Variants in UBN2 observed in about 807,000 individuals in gnomAD.
The protein encoded by UBN2 is ubinuclein 2.
In UBN2, 35 loss-of-function variants were observed where a neutral mutation model predicts 120.2. That is an observed-to-expected ratio of 0.29 (90% CI 0.22 to 0.39). UBN2 has a LOEUF of 0.39. Among genes scored for constraint, UBN2 ranks in the 10% least tolerant of loss-of-function variants. UBN2 has a pLI of 1.00. For synonymous variants in UBN2, 661 were observed against 648.7 expected (o/e 1.02, Z -0.29); for missense variants, 1,693 against 1,663.2 (o/e 1.02, Z -0.31).
chr7:139,300,892 A>G lies in UBN2; in HGVS notation c.*3056A>G, dbSNP rs1798239617. On this transcript the variant is annotated 3_prime_UTR_variant, in exon 18 of 18. Transcript: ENST00000473989. ...AAGCTCATTCAGAGCATCCAGAATA[A>G]ATGCAAGCAATAATTTCCATTATAA... 6.6e-6 allele frequency: 1 copy of G among 152,206 alleles called. No individual in the cohort carries two copies. The highest frequency in any genetic ancestry group is 6.5e-5 in the Admixed American group (1 of 15,276). The allele number at this position is 152,206 out of a possible 1,614,324, so 9.4% of individuals were successfully genotyped here.
At position 139,283,648 on chromosome 7, in the gene UBN2, T is replaced by C. The variant is rs1197703532; in HGVS notation, c.2743T>C (p.Ser915Pro). The C allele has an allele frequency of 6.2e-7, 1 of 1,614,176 alleles. No homozygotes were observed. The highest frequency in any genetic ancestry group is 8.5e-7 in the Non-Finnish European group (1 of 1,180,040). The part of the protein sequence containing the change: ...IAASSHALGT[S>P]EAQDASSLTQ... ...TGCCTCTTCTCATGCTCTGGGAACA[T>C]CCGAGGCCCAAGATGCTTCTTCGTT... The change falls in exon 15 of 18, where the codon TCC becomes CCC. Residue 915 changes from serine to proline, a missense_variant. By Grantham distance (74) the Ser-to-Pro change is moderately conservative. Coordinates refer to ENST00000473989, the MANE Select transcript of UBN2 (RefSeq NM_173569.4).
At position 139,299,337 on chromosome 7, in the gene UBN2, A is replaced by T. The variant is rs1798199837; in HGVS notation, c.*1501A>T. 1 of 152,166 alleles carries T rather than the reference A, an allele frequency of 6.6e-6. No individual in the cohort carries two copies. Among genetic ancestry groups the T allele is most frequent in the Admixed American group, 6.6e-5 (1 of 15,264 alleles). 9.4% of individuals were successfully genotyped at this position (152,166 alleles called of 1,614,324 possible). A position where few individuals can be genotyped will look rare whatever the true frequency, so the allele number is the denominator to read the frequency against. ...GACTGGTAGTGACAAGATTTATTGC[A>T]TATGTGTTTATTATACATTACCCTA... On this transcript the variant is annotated 3_prime_UTR_variant, in exon 18 of 18. Coordinates refer to ENST00000473989, the MANE Select transcript of UBN2 (RefSeq NM_173569.4).
intron 7 of UBN2, among the ~76,000 whole-genome samples, chr7:139,267,342 T>C (rs905981186): frequency 2.0e-5 from 3 of 152,078 alleles, no homozygotes; most frequent in Non-Finnish European, 4.4e-5. Context: ...GAGATCAGCT[T>C]GGGGAACATA....
At chr7:139,251,572 T>G (rs1796625246) in intron 2 of UBN2, among the ~76,000 whole-genome samples, 1 of 152,196 alleles carries the variant, frequency 6.6e-6, no homozygotes, top group Non-Finnish European at 1.5e-5. Context: ...TGTCCATGAA[T>G]TTGGTTTTGT....
chr7:139,245,180 T>A (rs1796436800), intron 2 of UBN2, among the ~76,000 whole-genome samples: 1 of 146,244 alleles, frequency 6.8e-6, no homozygotes, highest in African/African-American at 2.6e-5. Flanking sequence ...GCTCAAGCGA[T>A]CAACCTGCTT....
chr7:139,296,034 G>T (rs1322374588), intron 17 of UBN2, among the ~76,000 whole-genome samples: 1 of 152,220 alleles, frequency 6.6e-6, no homozygotes, highest in Non-Finnish European at 1.5e-5. Context: ...GTTTGAGTAG[G>T]CTTGTTTGAC....
intron 12 of UBN2, chr7:139,276,645 C>T (rs1191051777): frequency 5.2e-5 from 8 of 155,130 alleles, no homozygotes; most frequent in Non-Finnish European, 1.4e-5. Flanking sequence ...ATCCCCTCCA[C>T]ATACAACAAA....
chr7:139,323,555 G>GATTATTATT, the UBN2 span, among the ~76,000 whole-genome samples: 7 of 141,608 alleles, frequency 4.9e-5, no homozygotes, highest in East Asian at 2.1e-4. Context: ...TTCTGGACCT[G>GATTATTATT]ATTATTATTA....
intron 15 of UBN2, among the ~76,000 whole-genome samples, chr7:139,291,240 A>C (rs574077042): frequency 2.0e-5 from 3 of 151,628 alleles, no homozygotes; most frequent in African/African-American, 7.3e-5. Context: ...GCACACCTGT[A>C]GTCCCAGCTA....
intron 2 of UBN2, among the ~76,000 whole-genome samples, chr7:139,248,955 T>G (rs1053592872): frequency 6.6e-6 from 1 of 152,182 alleles, no homozygotes; most frequent in Non-Finnish European, 1.5e-5. Flanking sequence ...ATTTTGCATC[T>G]AAGCACATGG....
At position 139,284,001 on chromosome 7, in the gene UBN2, G is replaced by A. The variant is rs1012257828; in HGVS notation, c.3096G>A (p.Ser1032=). Residue 1032 remains serine, a synonymous_variant, in exon 15 of 18, where the codon TCG becomes TCA. Transcript: ENST00000473989. Reference sequence around the variant, plus strand: ...CGCAGGGTTTCAAATCTCCCTTCTCGATGGCTGCCTCCCCAAAACTTGCCG... The same window carrying A: ...CGCAGGGTTTCAAATCTCCCTTCTCAATGGCTGCCTCCCCAAAACTTGCCG... ...ISTQGFKSPF[S]MAASPKLAAS... 5 of 1,613,834 alleles carry A rather than the reference G, an allele frequency of 3.1e-6. No individual in the cohort carries two copies. Among genetic ancestry groups the A allele is most frequent in the African/African-American group, 2.7e-5 (2 of 74,844 alleles).
intron 17 of UBN2, among the ~76,000 whole-genome samples, chr7:139,296,404 A>G (rs1798111487): frequency 6.6e-6 from 1 of 152,200 alleles, no homozygotes; most frequent in Non-Finnish European, 1.5e-5. Flanking sequence ...TATGGGCTGT[A>G]GTTTGCCAAA....
At chr7:139,264,176 G>A (rs140003467) in intron 6 of UBN2, among the ~76,000 whole-genome samples, 409 of 152,156 alleles carry the variant, frequency 2.7e-3, no homozygotes, top group African/African-American at 9.3e-3. Flanking sequence ...TAAAAAAATC[G>A]TTTATTTCAA....
chr7:139,316,082 A>G, the UBN2 span, among the ~76,000 whole-genome samples: 1 of 140,268 alleles, frequency 7.1e-6, no homozygotes, highest in Non-Finnish European at 1.5e-5. Context: ...CGTCTCAAAA[A>G]AAAAAAAAAA....
rs896607325 is a variant in UBN2, at chr7:139,302,826, C to G, written c.*4990C>G. 3 of 151,398 alleles carry G rather than the reference C, an allele frequency of 2.0e-5. No individual in the cohort carries two copies. Among genetic ancestry groups the G allele is most frequent in the African/African-American group, 7.3e-5 (3 of 41,178 alleles). The allele number at this position is 151,398 out of a possible 1,614,324, so 9.4% of individuals were successfully genotyped here. ...CGTCAGTTACTACAAGTAAAATAAACTTAGTGAATCATTGACTATTCTTGG... is the reference window on the plus strand; with the variant it reads ...CGTCAGTTACTACAAGTAAAATAAAGTTAGTGAATCATTGACTATTCTTGG... On this transcript the variant is annotated 3_prime_UTR_variant, in exon 18 of 18. Transcript: ENST00000473989.
chr7:139,313,727 A>G, the UBN2 span, among the ~76,000 whole-genome samples: 2 of 152,122 alleles, frequency 1.3e-5, no homozygotes, highest in Non-Finnish European at 2.9e-5. Context: ...TTTTTGGTAT[A>G]TAGTTTTTAT....
intron 17 of UBN2, 61 bp downstream of exon 17, chr7:139,294,042 A>T (rs1366552186): frequency 5.2e-6 from 8 of 1,528,278 alleles, no homozygotes; most frequent in African/African-American, 4.1e-5. Flanking sequence ...TATGGATTAT[A>T]CTTTTCTGAA....
At chr7:139,297,678 G>A in intron 17 of UBN2, 109 bp from the exon 18 acceptor site, 2 of 948,628 alleles carry the variant, frequency 2.1e-6, no homozygotes, top group Non-Finnish European at 3.3e-6. Flanking sequence ...TATCTTTTCA[G>A]AGATGTCATC....
chr7:139,291,537 ATAAG>A (rs1797958852), intron 15 of UBN2, among the ~76,000 whole-genome samples: 1 of 152,158 alleles, frequency 6.6e-6, no homozygotes, highest in African/African-American at 2.4e-5. Flanking sequence ...AACTCTGTTG[ATAAG>A]TAAGTGCACA....
Sources: allele counts gnomAD v4.1 joint callset (sites outside exome capture counted in the v4.1 genomes callset), GRCh38; gene constraint gnomAD v4.1.1; transcripts MANE v1.5; gene names NCBI Gene and HGNC (gene_info 2026-07-23, HGNC 2026-07-21).